The following ERLIN1 variants were observed in gnomAD, a reference collection of about 807,000 sequenced individuals.
ERLIN1 encodes the protein ER lipid raft associated 1.
A neutral mutation model predicts 46.9 loss-of-function variants in ERLIN1; 24 were observed. That is an observed-to-expected ratio of 0.51 (90% CI 0.37 to 0.72). The LOEUF is 0.72. Ranked by LOEUF, ERLIN1 falls within the 30% of genes least tolerant of loss-of-function variation. The probability of loss-of-function intolerance (pLI) is 0.00; values close to 1 mark genes in which losing one functional copy is unlikely to be tolerated. For synonymous variants in ERLIN1, 158 were observed against 143.2 expected (o/e 1.10, Z -0.74); for missense variants, 293 against 417.9 (o/e 0.70, Z 2.61).
intron 10 of ERLIN1, 46 bp from the exon 11 acceptor site, chr10:100,152,398 CAACAGT>C: frequency 9.5e-7 from 1 of 1,052,882 alleles, no homozygotes; most frequent in Non-Finnish European, 1.5e-6. Context: ...TACTCTGGTG[CAACAGT>C]CTTCTCTCTC....
At chr10:100,161,145 A>G (rs1843345098) in intron 8 of ERLIN1, among the ~76,000 whole-genome samples, 1 of 152,218 alleles carries the variant, frequency 6.6e-6, no homozygotes, top group South Asian at 2.1e-4. Context: ...ACAGGAAGAA[A>G]TAAAAAGTAT....
At chr10:100,176,172 A>C in intron 4 of ERLIN1, 102 bp from the exon 5 acceptor site, 1 of 974,236 alleles carries the variant, frequency 1.0e-6, no homozygotes, top group Non-Finnish European at 1.4e-6. Flanking sequence ...ACACATGAGG[A>C]AAAGTGCCAA....
chr10:100,172,561 A>G lies in ERLIN1; in HGVS notation c.504+1647T>C, dbSNP rs11190412. 3.7e-4 allele frequency among the ~76,000 whole-genome samples: 56 copies of G among 152,344 alleles called. 1 individual carries two copies. In the East Asian group the frequency reaches 0.011, roughly 29 times the overall value. The stretch of plus-strand genomic sequence containing the variant: ...GCAGAAGACAGTATAAATGACCAAT[A>G]AATGTATCAAAAGATGTTCAACCTC... On this transcript the variant is annotated intron_variant, in intron 6 of 10. Transcript: ENST00000421367.
intron 2 of ERLIN1, among the ~76,000 whole-genome samples, chr10:100,183,048 AAC>A (rs1589561249): frequency 6.6e-6 from 1 of 152,212 alleles, no homozygotes; most frequent in African/African-American, 2.4e-5. Context: ...AAGATTAAAT[AAC>A]ACAGAATTTT....
chr10:100,178,414 T>G (rs1844442428), intron 3 of ERLIN1, among the ~76,000 whole-genome samples: 1 of 152,224 alleles, frequency 6.6e-6, no homozygotes, highest in South Asian at 2.1e-4. Context: ...AAAAATACCT[T>G]GAACTTCACA....
chr10:100,175,830 T>C (rs1229470474), intron 5 of ERLIN1, 115 bp downstream of exon 5: 1 of 780,284 alleles, frequency 1.3e-6, no homozygotes, highest in Non-Finnish European at 1.9e-6. Flanking sequence ...TGCTCTATGA[T>C]AAATTCAGAA....
At chr10:100,165,954 G>GTT (rs1843614653) in intron 7 of ERLIN1, among the ~76,000 whole-genome samples, 1 of 152,010 alleles carries the variant, frequency 6.6e-6, no homozygotes, top group African/African-American at 2.4e-5. Flanking sequence ...TCAAACTCTT[G>GTT]AACTCAGGTG....
chr10:100,185,434 G>A, intron 1 of ERLIN1, 80 bp downstream of exon 1: 1 of 1,133,200 alleles, frequency 8.8e-7, no homozygotes, highest in Non-Finnish European at 1.3e-6. Flanking sequence ...ACGTTGCAGA[G>A]GGAACAACTT....
At chr10:100,177,844 A>C (rs1274467748) in intron 4 of ERLIN1, among the ~76,000 whole-genome samples, 2 of 152,248 alleles carry the variant, frequency 1.3e-5, no homozygotes, top group Non-Finnish European at 2.9e-5. Flanking sequence ...CAAGGAAATT[A>C]TCTCTCATCC....
chr10:100,158,515 T>C (rs1194622861), intron 8 of ERLIN1, among the ~76,000 whole-genome samples: 2 of 151,676 alleles, frequency 1.3e-5, no homozygotes, highest in East Asian at 3.9e-4. Context: ...AAGATAACTT[T>C]CACTCCTTAG....
intron 2 of ERLIN1, among the ~76,000 whole-genome samples, chr10:100,179,525 T>C (rs1844512480): frequency 6.6e-6 from 1 of 152,086 alleles, no homozygotes. Context: ...GGTGCAATCT[T>C]GGCTCACTGC....
chr10:100,184,234 TG>T (rs1844829852), intron 1 of ERLIN1, among the ~76,000 whole-genome samples: 1 of 152,142 alleles, frequency 6.6e-6, no homozygotes, highest in African/African-American at 2.4e-5. Context: ...ATCACCAGGT[TG>T]AAAAAAAGAC....
At chr10:100,152,775 CA>C (rs934903375) in intron 10 of ERLIN1, among the ~76,000 whole-genome samples, 3 of 152,084 alleles carry the variant, frequency 2.0e-5, no homozygotes, top group African/African-American at 7.2e-5. Context: ...AGGCTGGTCT[CA>C]AACTCCTGGC....
intron 10 of ERLIN1, among the ~76,000 whole-genome samples, chr10:100,153,052 A>T (rs1842890826): frequency 6.6e-6 from 1 of 152,222 alleles, no homozygotes; most frequent in Non-Finnish European, 1.5e-5. Flanking sequence ...AGGTCAGTGG[A>T]TGAGAGCAGA....
intron 2 of ERLIN1, among the ~76,000 whole-genome samples, chr10:100,179,602 A>G (rs955097706): frequency 6.7e-6 from 1 of 150,208 alleles, no homozygotes; most frequent in Non-Finnish European, 1.5e-5. Flanking sequence ...GATTACAGGT[A>G]TGCACCACTA....
At chr10:100,170,561 C>T (rs1843931907) in intron 6 of ERLIN1, among the ~76,000 whole-genome samples, 1 of 152,124 alleles carries the variant, frequency 6.6e-6, no homozygotes, top group African/African-American at 2.4e-5. Context: ...AGAAGACAGG[C>T]GGCTACTGCT....
chr10:100,185,421 C>CG (rs1210168524), intron 1 of ERLIN1, 93 bp downstream of exon 1: 2 of 988,418 alleles, frequency 2.0e-6, no homozygotes, highest in Admixed American at 3.8e-5. Flanking sequence ...CATGCGCCCC[C>CG]GAACGTTGCA....
At chr10:100,170,810 T>G (rs1843947833) in intron 6 of ERLIN1, among the ~76,000 whole-genome samples, 1 of 152,076 alleles carries the variant, frequency 6.6e-6, no homozygotes, top group South Asian at 2.1e-4. Context: ...TTCGATTTGA[T>G]GAGAAAAGAC....
chr10:100,157,704 A>G (rs977081899), intron 8 of ERLIN1, among the ~76,000 whole-genome samples: 3 of 152,234 alleles, frequency 2.0e-5, no homozygotes, highest in African/African-American at 7.2e-5. Context: ...GGGGCTAGAA[A>G]TTGAACTGTA....
Sources: gnomAD v4.1 joint callset for allele counts (sites outside exome capture counted in the v4.1 genomes callset) on GRCh38, gnomAD v4.1.1 for gene constraint, MANE v1.5 for transcripts, NCBI Gene and HGNC (gene_info 2026-07-23, HGNC 2026-07-21) for gene names.